The following NOS1 variants were observed in gnomAD, a reference collection of about 807,000 sequenced individuals.
The protein encoded by NOS1 is nitric oxide synthase 1, also known as NOS type I.
In NOS1, 51 loss-of-function variants were observed where a neutral mutation model predicts 164.5. The observed-to-expected ratio is 0.31, with a 90% CI of 0.25 to 0.39. The LOEUF (loss-of-function observed/expected upper bound fraction) is 0.39, where lower values mean the gene tolerates loss of function less well. NOS1 is among the 10% of genes least tolerant of loss of function. The probability of loss-of-function intolerance (pLI) is 1.00; values close to 1 mark genes in which losing one functional copy is unlikely to be tolerated. For missense variants in NOS1, 1,362 were observed against 1,885.6 expected (o/e 0.72, Z 5.14); for synonymous variants, 719 against 745.8 (o/e 0.96, Z 0.59).
At position 117,276,967 on chromosome 12, in the gene NOS1, G is replaced by A. The variant is rs992253653; in HGVS notation, c.1664+992C>T. Among the ~76,000 whole-genome samples the A allele has an allele frequency of 2.6e-5, 4 of 152,208 alleles. No homozygotes were observed. The South Asian group carries it at 8.3e-4, about 32-fold the overall frequency. On this transcript the variant is annotated intron_variant, in intron 9 of 28. Coordinates refer to ENST00000317775, the MANE Select transcript of NOS1 (RefSeq NM_000620.5). ...AACAAAAGGGTACAGATATCTCTTC[G>A]ATATACTGATTTCCCTTCTTTTGGG... is the stretch of plus-strand genomic sequence containing the variant.
Position 117,209,720 on chromosome 12 carries a change from C to G in NOS1, c.*5589G>C. On this transcript the variant is annotated 3_prime_UTR_variant, in exon 29 of 29. Coordinates refer to ENST00000317775, the MANE Select transcript of NOS1 (RefSeq NM_000620.5). Reference sequence around the variant, plus strand: ...CAGACTCTCGACAGACACTGCTTTCCACGGGTGAAAGTGTACCTGGGTCCT... The same window carrying G: ...CAGACTCTCGACAGACACTGCTTTCGACGGGTGAAAGTGTACCTGGGTCCT... 2 of 985,494 alleles carry G rather than the reference C, an allele frequency of 2.0e-6. No homozygotes were observed. Among genetic ancestry groups the G allele is most frequent in the Non-Finnish European group, 2.4e-6 (2 of 829,954 alleles). The allele number at this position is 985,494 out of a possible 1,614,324, so 61.0% of individuals were successfully genotyped here.
At chr12:117,300,817 G>A (rs1255784816) in intron 3 of NOS1, among the ~76,000 whole-genome samples, 1 of 152,142 alleles carries the variant, frequency 6.6e-6, no homozygotes, top group Non-Finnish European at 1.5e-5. Flanking sequence ...CCTACAGAGG[G>A]AAATTAATCT....
Position 117,210,525 on chromosome 12 carries a change from C to T in NOS1, c.*4784G>A. The T allele has an allele frequency of 1.0e-6, 1 of 985,434 alleles. No individual in the cohort carries two copies. The highest frequency in any genetic ancestry group is 1.7e-5 in the African/African-American group (1 of 57,352). The allele number at this position is 985,434 out of a possible 1,614,324, so 61.0% of individuals were successfully genotyped here. ...AAGGAAACATGGCTGGTTTAAAACACAGGCTAGAAGTCCACAGATTTCCTA... is the reference window on the plus strand; with the variant it reads ...AAGGAAACATGGCTGGTTTAAAACATAGGCTAGAAGTCCACAGATTTCCTA... On this transcript the variant is annotated 3_prime_UTR_variant, in exon 29 of 29. Transcript: ENST00000317775.
chr12:117,218,122 G>T lies in NOS1; in HGVS notation c.4213C>A (p.Arg1405=). 3 of 1,614,064 alleles carry T rather than the reference G, an allele frequency of 1.9e-6. No individual in the cohort carries two copies. Among genetic ancestry groups the T allele is most frequent in the Non-Finnish European group, 1.7e-6 (2 of 1,179,962 alleles). The change falls in exon 28 of 29, where the codon CGA becomes AGA. Residue 1405 remains arginine (R), a synonymous_variant. Transcript: ENST00000317775. The stretch of plus-strand genomic sequence containing the variant: ...AGGCGGTTGGTCACTTCGTACGTTC[G>T]CAGGGTGACTCCAAAAATATCCTCA... ...YHEDIFGVTL[R]TYEVTNRLRS...
chr12:117,338,856 G>A (rs1057475070), intron 1 of NOS1, among the ~76,000 whole-genome samples: 1 of 152,130 alleles, frequency 6.6e-6, no homozygotes, highest in Non-Finnish European at 1.5e-5. Context: ...ACTCTTTTCA[G>A]TTTATACACC....
chr12:117,302,333 G>A (rs1246559910), intron 3 of NOS1, among the ~76,000 whole-genome samples: 3 of 152,106 alleles, frequency 2.0e-5, no homozygotes, highest in African/African-American at 4.8e-5. Flanking sequence ...GGTGGCTCAC[G>A]CCTGTAATCC....
In NOS1 at chr12:117,330,843, C is replaced by T. The variant is rs776281719; in HGVS notation, c.227G>A (p.Ser76Asn). 4.3e-6 allele frequency: 7 copies of T among 1,614,116 alleles called. No individual in the cohort carries two copies. Among genetic ancestry groups the T allele is most frequent in the Non-Finnish European group, 1.7e-6 (2 of 1,180,014 alleles). ...GAGTACCTCCAGGGCGCTGTCATAG[C>T]TCAGGTCCACCAAGGGCCGGCCGTT... ...AVNGRPLVDLSYDSALEVLRG... is the reference protein window; with the variant it reads ...AVNGRPLVDLNYDSALEVLRG... Residue 76 changes from serine (S) to asparagine (N), a missense_variant, in exon 2 of 29, where the codon AGC (serine) becomes AAC (asparagine). Transcript: ENST00000317775. This position sits in a 1 kb window ranked among gnomAD's most constrained non-coding sequence, Gnocchi z 4.6.
Position 117,212,031 on chromosome 12 carries a change from A to T in NOS1, c.*3278T>A. 1 of 900,418 alleles carries T rather than the reference A, an allele frequency of 1.1e-6. No individual in the cohort carries two copies. Among genetic ancestry groups the T allele is most frequent in the Non-Finnish European group, 1.3e-6 (1 of 752,868 alleles). 55.8% of individuals were successfully genotyped at this position (900,418 alleles called of 1,614,324 possible). A position where few individuals can be genotyped will look rare whatever the true frequency, so the allele number is the denominator to read the frequency against. On this transcript the variant is annotated 3_prime_UTR_variant, in exon 29 of 29. Coordinates refer to ENST00000317775, the MANE Select transcript of NOS1 (RefSeq NM_000620.5). ...CAGTGAGCTGAGATCGTACCACTGT[A>T]CGCCAGCCTGGGTGACAGAGCAAGA... is the stretch of plus-strand genomic sequence containing the variant.
Position 117,330,899 on chromosome 12 carries a change from G to A in NOS1, c.171C>T (p.Leu57=), listed in dbSNP as rs755012530. ...IRGGAAEQSG[L]IQAGDIILAV... is the part of the protein sequence containing the mutation. ...CAAGAATGATGTCTCCGGCCTGGAT[G>A]AGGCCACTCTGCTCTGCGGCGCCCC... The change falls in exon 2 of 29, where the codon CTC becomes CTT. Residue 57 remains leucine, a synonymous_variant. Transcript: ENST00000317775. This position sits in a 1 kb window ranked among gnomAD's most constrained non-coding sequence, Gnocchi z 4.6. The A allele has an allele frequency of 5.6e-6, 9 of 1,614,046 alleles. No individual in the cohort carries two copies. The highest frequency in any genetic ancestry group is 7.6e-6 in the Non-Finnish European group (9 of 1,180,038).
chr12:117,262,179 A>G (rs1871958218), intron 13 of NOS1, among the ~76,000 whole-genome samples: 1 of 152,196 alleles, frequency 6.6e-6, no homozygotes. Context: ...CCCTTTGAAT[A>G]ATTTGAGCAT....
chr12:117,284,575 A>T (rs1381967124), intron 7 of NOS1, among the ~76,000 whole-genome samples: 1 of 151,734 alleles, frequency 6.6e-6, no homozygotes, highest in Non-Finnish European at 1.5e-5. Context: ...GACACAGTAA[A>T]AGCAGGTCAC....
At chr12:117,228,709 T>C (rs1414891051) in intron 22 of NOS1, among the ~76,000 whole-genome samples, 8 of 152,354 alleles carry the variant, frequency 5.3e-5, no homozygotes, top group South Asian at 2.1e-4. Flanking sequence ...GCGAGTGCAC[T>C]GTGTAACAAA....
intron 2 of NOS1, among the ~76,000 whole-genome samples, chr12:117,325,819 AT>A (rs1875218451): frequency 6.6e-6 from 1 of 152,334 alleles, no homozygotes; most frequent in Non-Finnish European, 1.5e-5. Flanking sequence ...GTTTGCTGTG[AT>A]TCTATGCTTA....
rs752280959 is a variant in NOS1 at position 117,208,442 on chromosome 12, G to A, written c.*6867C>T. The A allele has an allele frequency of 8.4e-6, 10 of 1,193,312 alleles. No homozygotes were observed. The highest frequency in any genetic ancestry group is 8.2e-5 in the South Asian group (6 of 73,274). 73.9% of individuals were successfully genotyped at this position (1,193,312 alleles called of 1,614,324 possible). On this transcript the variant is annotated 3_prime_UTR_variant, in exon 29 of 29. Transcript: ENST00000317775. ...TGTGTGGTGAGATGCGACCAGGTCT[G>A]CCCACCTCCCCAGCTTCCCAAGCCC...
Position 117,330,436 on chromosome 12 carries a change from C to G in NOS1, c.634G>C (p.Val212Leu), listed in dbSNP as rs1407015472. ...NNELLKEIEP[V>L]LSLLTSGSRG... ...CTCCCACTGGTGAGAAGGCTCAGCA[C>G]AGGCTCTATCTCCTTGAGCAGTTCA... Residue 212 changes from valine to leucine, a missense_variant, in exon 2 of 29, where the codon GTG becomes CTG. By Grantham distance (32) the Val-to-Leu change is conservative. Around this residue, in one of 4 missense-constraint regions of NOS1, gnomAD observed 362 missense variants for 402.0 expected, o/e 0.90. Coordinates refer to ENST00000317775, the MANE Select transcript of NOS1 (RefSeq NM_000620.5). This position sits in a 1 kb window ranked among gnomAD's most constrained non-coding sequence, Gnocchi z 4.6. 1.2e-6 allele frequency: 2 copies of G among 1,614,248 alleles called. No individual in the cohort carries two copies. The highest frequency in any genetic ancestry group is 1.7e-6 in the Non-Finnish European group (2 of 1,180,046).
intron 17 of NOS1, among the ~76,000 whole-genome samples, chr12:117,253,102 G>T (rs998648009): frequency 1.3e-5 from 2 of 152,302 alleles, no homozygotes; most frequent in Admixed American, 6.5e-5. Context: ...AAATCTGACT[G>T]CACGTTAGAG....
chr12:117,304,721 A>G (rs1457130065), intron 3 of NOS1, among the ~76,000 whole-genome samples: 1 of 152,236 alleles, frequency 6.6e-6, no homozygotes, highest in Non-Finnish European at 1.5e-5. Flanking sequence ...CCCCACCCAC[A>G]GTGACCCAGA....
chr12:117,229,853 T>C (rs1869057459), intron 22 of NOS1, among the ~76,000 whole-genome samples: 1 of 152,258 alleles, frequency 6.6e-6, no homozygotes, highest in African/African-American at 2.4e-5. Flanking sequence ...CCTCCCAAAG[T>C]GCTGGGATCA....
chr12:117,338,170 T>C (rs1490228367), intron 1 of NOS1, among the ~76,000 whole-genome samples: 1 of 151,944 alleles, frequency 6.6e-6, no homozygotes, highest in Non-Finnish European at 1.5e-5. Flanking sequence ...TGAGGCGAGA[T>C]TGCGCCACTG....
Sources: allele counts gnomAD v4.1 joint callset (sites outside exome capture counted in the v4.1 genomes callset), GRCh38; gene constraint gnomAD v4.1.1; regional missense constraint gnomAD v4.1.1; non-coding constraint Gnocchi (gnomAD v3.1); transcripts MANE v1.5; gene names NCBI Gene and HGNC (gene_info 2026-07-23, HGNC 2026-07-21).